The following DCAF6 variants were observed in gnomAD, a reference collection of about 807,000 sequenced individuals.
DCAF6 encodes DDB1- and CUL4-associated factor 6.
Under a neutral mutation model 125.1 loss-of-function variants are expected in DCAF6, and 54 were observed. That is an observed-to-expected ratio of 0.43 (90% confidence interval 0.35 to 0.54). DCAF6 has a LOEUF of 0.54. Among genes scored for constraint, DCAF6 ranks in the 20% least tolerant of loss-of-function variants. The probability of loss-of-function intolerance (pLI) is 0.01; values close to 1 mark genes in which losing one functional copy is unlikely to be tolerated. For missense variants in DCAF6, 934 were observed against 1,161.7 expected (o/e 0.80, Z 2.85); for synonymous variants, 371 against 390.4 (o/e 0.95, Z 0.58).
chr1:168,073,979 A>G (rs1490026292), intron 21 of DCAF6, among the ~76,000 whole-genome samples: 1 of 148,072 alleles, frequency 6.8e-6, no homozygotes, highest in Non-Finnish European at 1.5e-5. Context: ...ATACATATTT[A>G]TAAAATAAAT....
intron 12 of DCAF6, among the ~76,000 whole-genome samples, chr1:168,029,269 C>A (rs1371580547): frequency 6.6e-6 from 1 of 152,156 alleles, no homozygotes; most frequent in Non-Finnish European, 1.5e-5. Flanking sequence ...CATGCATCAT[C>A]TAATTTGTGC....
the DCAF6 span, chr1:167,918,253 T>C: frequency 2.4e-6 from 3 of 1,274,002 alleles, no homozygotes; most frequent in East Asian, 2.4e-5. Context: ...GCTTTATCAA[T>C]AACCAAATAA....
intron 10 of DCAF6, among the ~76,000 whole-genome samples, chr1:168,007,340 A>T (rs1683469162): frequency 6.6e-6 from 1 of 151,832 alleles, no homozygotes; most frequent in Non-Finnish European, 1.5e-5. Context: ...TTCTTTAAAA[A>T]TTTTCTCTTA....
intron 7 of DCAF6, among the ~76,000 whole-genome samples, chr1:167,998,375 A>T (rs898777234): frequency 3.3e-5 from 5 of 152,222 alleles, no homozygotes; most frequent in Admixed American, 2.0e-4. Context: ...ATCACTGCTG[A>T]CTGATCAGAG....
intron 1 of DCAF6, among the ~76,000 whole-genome samples, chr1:167,944,103 A>G (rs912279632): frequency 6.6e-6 from 1 of 152,088 alleles, no homozygotes; most frequent in East Asian, 1.9e-4. Context: ...CGGCCTCCCA[A>G]AGTGCTGGGA....
chr1:167,895,183 A>G, the DCAF6 span, among the ~76,000 whole-genome samples: 1 of 150,494 alleles, frequency 6.6e-6, no homozygotes, highest in Non-Finnish European at 1.5e-5. Flanking sequence ...TCCATCTCAA[A>G]AAAAAAAAAA....
the DCAF6 span, chr1:167,901,934 A>G: frequency 3.7e-6 from 6 of 1,605,862 alleles, no homozygotes; most frequent in East Asian, 1.3e-4. Flanking sequence ...CTTCTCTAGG[A>G]TGCCTCCTTT....
chr1:167,940,973 T>G (rs1044883752), intron 1 of DCAF6, among the ~76,000 whole-genome samples: 2 of 152,180 alleles, frequency 1.3e-5, no homozygotes, highest in African/African-American at 4.8e-5. Flanking sequence ...AGAGTCAGTA[T>G]GTACTGAAAT....
chr1:167,957,385 T>G (rs1163606930), intron 2 of DCAF6, among the ~76,000 whole-genome samples: 1 of 152,182 alleles, frequency 6.6e-6, no homozygotes, highest in Non-Finnish European at 1.5e-5. Flanking sequence ...GTTCTTTCAC[T>G]TAGTGTAATG....
At chr1:167,995,342 T>C (rs1359414130) in intron 7 of DCAF6, among the ~76,000 whole-genome samples, 1 of 152,210 alleles carries the variant, frequency 6.6e-6, no homozygotes, top group Admixed American at 6.5e-5. Context: ...TCTTGTTTGT[T>C]GCATTAACTA....
At chr1:168,003,569 A>C (rs1682928422) in intron 8 of DCAF6, among the ~76,000 whole-genome samples, 1 of 152,132 alleles carries the variant, frequency 6.6e-6, no homozygotes, top group Non-Finnish European at 1.5e-5. Flanking sequence ...TAGAACTAAA[A>C]ATTTAGGTTG....
At chr1:167,979,372 C>T (rs1358969286) in intron 4 of DCAF6, among the ~76,000 whole-genome samples, 1 of 151,936 alleles carries the variant, frequency 6.6e-6, no homozygotes, top group African/African-American at 2.4e-5. Context: ...CAACAGCTCT[C>T]CTTTCTTCCT....
In DCAF6 at chr1:168,009,442, CTTTCTTTCTGTCTCTCTCT is replaced by C. The variant is rs1557971656; in HGVS notation, c.1378+4650_1378+4668del. On this transcript the variant is annotated intron_variant, in intron 10 of 21. Coordinates refer to ENST00000367840, the MANE Select transcript of DCAF6 (RefSeq NM_001198956.2). ...TGTTTCTTTCTGTCTCTCTCTCTTTCTTTCTTTCTGTCTCTCTCTCTTCCTTCCTCCCTCCCTCCCTTCC... is the reference window on the plus strand; with the variant it reads ...TGTTTCTTTCTGTCTCTCTCTCTTTCCTTCCTTCCTCCCTCCCTCCCTTCC... Among the ~76,000 whole-genome samples, 242 of 94,768 alleles carry C rather than the reference CTTTCTTTCTGTCTCTCTCT, an allele frequency of 2.6e-3. 2 individuals are homozygous for C. Among genetic ancestry groups the C allele is most frequent in the African/African-American group, 0.011 (222 of 21,088 alleles). The allele number at this position is 94,768 out of a possible 152,430, so 62.2% of individuals were successfully genotyped here.
the DCAF6 span, chr1:167,901,562 G>C: frequency 5.2e-5 from 64 of 1,240,038 alleles, no homozygotes; most frequent in Non-Finnish European, 7.4e-5. Context: ...ATGGGGCTGA[G>C]CCACCATGTT....
intron 12 of DCAF6, among the ~76,000 whole-genome samples, chr1:168,036,926 C>G (rs1687889388): frequency 6.6e-6 from 1 of 152,156 alleles, no homozygotes; most frequent in Non-Finnish European, 1.5e-5. Context: ...AATAGCAATT[C>G]TGTAGGACAG....
chr1:167,948,480 C>G (rs2102688337), intron 1 of DCAF6, among the ~76,000 whole-genome samples: 1 of 152,238 alleles, frequency 6.6e-6, no homozygotes, highest in South Asian at 2.1e-4. Context: ...ACATTTCTTG[C>G]CCCAACCATC....
chr1:168,038,183 A>AG (rs1558012345), intron 12 of DCAF6, among the ~76,000 whole-genome samples, 188 bp from the exon 13 acceptor site: 1 of 152,242 alleles, frequency 6.6e-6, no homozygotes, highest in African/African-American at 2.4e-5. Flanking sequence ...AACTTGATGT[A>AG]GTGCTACTTT....
the DCAF6 span, among the ~76,000 whole-genome samples, chr1:167,912,035 T>A: frequency 6.6e-6 from 1 of 152,130 alleles, no homozygotes; most frequent in African/African-American, 2.4e-5. Flanking sequence ...ACAATAGAAA[T>A]TTTCTATTTT....
chr1:167,975,148 A>G (rs549425657), intron 4 of DCAF6, 133 bp downstream of exon 4: 111 of 483,862 alleles, frequency 2.3e-4, no homozygotes, highest in Non-Finnish European at 3.3e-4. Flanking sequence ...TAAATTATTG[A>G]CAATATCTAG....
Sources: allele counts gnomAD v4.1 joint callset (sites outside exome capture counted in the v4.1 genomes callset), GRCh38; gene constraint gnomAD v4.1.1; transcripts MANE v1.5; gene names NCBI Gene and HGNC (gene_info 2026-07-23, HGNC 2026-07-21).